Variants in ARFGAP2 observed in about 807,000 individuals in gnomAD.
ARFGAP2 encodes ADP-ribosylation factor GTPase-activating protein 2.
ARFGAP2 carries 45 observed loss-of-function variants against 71.9 expected under a neutral mutation model. The observed-to-expected ratio is 0.63, with a 90% CI of 0.49 to 0.80. The LOEUF is 0.80. Ranked by LOEUF, ARFGAP2 falls within the 30% of genes least tolerant of loss-of-function variation. ARFGAP2 has a pLI of 0.00. For synonymous variants in ARFGAP2, 248 were observed against 249.2 expected, an observed-to-expected ratio of 1.00 and a Z score of 0.05; for missense variants, 633 against 673.9, an observed-to-expected ratio of 0.94 and a Z score of 0.67.
At position 47,171,514 on chromosome 11, in the gene ARFGAP2, G is replaced by A. The variant is rs771332378; in HGVS notation, c.853C>T (p.Arg285Cys). Residue 285 changes from arginine (R) to cysteine (C), a missense_variant, in exon 10 of 16, where the codon CGT becomes TGT. Coordinates refer to ENST00000524782, the MANE Select transcript of ARFGAP2 (RefSeq NM_032389.6). ...TGTAGCTTCTTTTCCTCTTTCTTAC[G>A]ATCAATCTGGAGCTCCTGGTAGGCC... is the stretch of plus-strand genomic sequence containing the variant. ...RLAYQELQID[R>C]KKEEKKLQNL... 2.5e-5 allele frequency: 40 copies of A among 1,613,888 alleles called. No homozygotes were observed. The East Asian group carries it at 3.3e-4, about 13-fold the overall frequency.
At position 47,170,519 on chromosome 11, in the gene ARFGAP2, C is replaced by T. The variant is rs142861048; in HGVS notation, c.941+907G>A. ...AAAATTAGCCAGACACGGTGGTACA[C>T]ACCTGTAATCCCAGCTGCTTGGGAG... On this transcript the variant is annotated intron_variant, in intron 10 of 15. Transcript: ENST00000524782. 3.7e-3 allele frequency among the ~76,000 whole-genome samples: 560 copies of T among 151,770 alleles called. 2 individuals carry two copies. Among genetic ancestry groups the T allele is most frequent in the African/African-American group, 0.013 (547 of 41,366 alleles).
chr11:47,170,921 A>C (rs1278875517), intron 10 of ARFGAP2, among the ~76,000 whole-genome samples: 1 of 152,148 alleles, frequency 6.6e-6, no homozygotes, highest in Non-Finnish European at 1.5e-5. Flanking sequence ...ACTCCAGCCT[A>C]GGCAACAGAG....
chr11:47,172,552 C>T (rs1347716190), intron 7 of ARFGAP2, among the ~76,000 whole-genome samples: 1 of 152,162 alleles, frequency 6.6e-6, no homozygotes, highest in Admixed American at 6.5e-5. Context: ...GGAACCTAGA[C>T]CTGAAGCACC....
At chr11:47,171,266 T>C (rs926542798) in intron 10 of ARFGAP2, among the ~76,000 whole-genome samples, 160 bp downstream of exon 10, 1 of 152,218 alleles carries the variant, frequency 6.6e-6, no homozygotes, top group Non-Finnish European at 1.5e-5. Flanking sequence ...ATACCTACTA[T>C]GCGCCAAGCA....
rs1952857537 is a variant in ARFGAP2 at position 47,176,843 on chromosome 11, T to C, written c.11A>G (p.Glu4Gly). The part of the protein sequence containing the change: MAA[E>G]PNKTEIQTLF... ...AGTCTGGATTTCGGTCTTGTTCGGC[T>C]CCGCCGCCATTTTCTCTCCTTCCCA... The change falls in exon 1 of 16, where the codon GAG (glutamate) becomes GGG (glycine). Residue 4 changes from glutamate (E) to glycine (G), a missense_variant. Glu to Gly is a moderately conservative substitution (Grantham distance 98, BLOSUM62 -2). Transcript: ENST00000524782. 2 of 1,613,428 alleles carry C rather than the reference T, an allele frequency of 1.2e-6. No individual in the cohort carries two copies. The highest frequency in any genetic ancestry group is 1.3e-5 in the African/African-American group (1 of 74,932).
rs947929768 is a variant in ARFGAP2, at chr11:47,165,356, A to C, written c.*126T>G. ...GAGTGAGCGCCTCAAAGGCCACCCC[A>C]CACACACACCACACATACGAAGTAA... On this transcript the variant is annotated 3_prime_UTR_variant, in exon 16 of 16. Coordinates refer to ENST00000524782, the MANE Select transcript of ARFGAP2 (RefSeq NM_032389.6). 139 of 1,268,470 alleles carry C rather than the reference A, an allele frequency of 1.1e-4. No individual in the cohort carries two copies. In the African/African-American group the frequency reaches 1.3e-3, roughly 12 times the overall value. The allele number at this position is 1,268,470 out of a possible 1,614,324, so 78.6% of individuals were successfully genotyped here.
At position 47,176,373 on chromosome 11, in the gene ARFGAP2, TG is replaced by T; in HGVS notation, c.191+142del. ...AAGGGCCCACACAGGTGGTTCCCTCTGGCAGGAGGCTACCGGACCCTCTCGG... is the reference window on the plus strand; with the variant it reads ...AAGGGCCCACACAGGTGGTTCCCTCTGCAGGAGGCTACCGGACCCTCTCGG... On this transcript the variant is annotated intron_variant, in intron 2 of 15. Coordinates refer to ENST00000524782, the MANE Select transcript of ARFGAP2 (RefSeq NM_032389.6). 17 of 800,902 alleles carry T rather than the reference TG, an allele frequency of 2.1e-5. No homozygotes were observed. The South Asian group carries it at 2.8e-4, about 13-fold the overall frequency. 49.6% of individuals were successfully genotyped at this position (800,902 alleles called of 1,614,324 possible). A position where few individuals can be genotyped will look rare whatever the true frequency, so the allele number is the denominator to read the frequency against.
Position 47,165,132 on chromosome 11 carries a change from C to A in ARFGAP2, c.*350G>T. ...AAAAGCCTTCTACCTTCCGCTTTCC[C>A]TACCTGGGGAAAGTCTGGACCCAGA... is the stretch of plus-strand genomic sequence containing the variant. On this transcript the variant is annotated 3_prime_UTR_variant, in exon 16 of 16. Coordinates refer to ENST00000524782, the MANE Select transcript of ARFGAP2 (RefSeq NM_032389.6). The A allele has an allele frequency of 3.2e-6, 1 of 310,954 alleles. No individual in the cohort carries two copies. Among genetic ancestry groups the A allele is most frequent in the Non-Finnish European group, 5.9e-6 (1 of 169,668 alleles). 19.3% of individuals were successfully genotyped at this position (310,954 alleles called of 1,614,324 possible).
rs1441247092 is a variant in ARFGAP2, at chr11:47,173,624, G to T, written c.562+135C>A. ...AGGAATATCTACCACTTCCTCCAAG[G>T]ATTAAAATGAATCCCGGCCCACCCA... On this transcript the variant is annotated intron_variant, in intron 6 of 15. Transcript: ENST00000524782. The T allele has an allele frequency of 3.5e-6, 5 of 1,409,790 alleles. No homozygotes were observed. In the South Asian group the frequency reaches 7.0e-5, roughly 20 times the overall value. 87.3% of individuals were successfully genotyped at this position (1,409,790 alleles called of 1,614,324 possible).
chr11:47,165,362 A>G lies in ARFGAP2; in HGVS notation c.*120T>C, dbSNP rs1952305666. On this transcript the variant is annotated 3_prime_UTR_variant, in exon 16 of 16. Coordinates refer to ENST00000524782, the MANE Select transcript of ARFGAP2 (RefSeq NM_032389.6). ...GCGCCTCAAAGGCCACCCCACACACACACCACACATACGAAGTAACAAATC... is the reference window on the plus strand; with the variant it reads ...GCGCCTCAAAGGCCACCCCACACACGCACCACACATACGAAGTAACAAATC... 3.7e-6 allele frequency: 5 copies of G among 1,351,054 alleles called. No individual in the cohort carries two copies. In the South Asian group the frequency reaches 7.4e-5, roughly 20 times the overall value. The allele number at this position is 1,351,054 out of a possible 1,614,324, so 83.7% of individuals were successfully genotyped here. A position where few individuals can be genotyped will look rare whatever the true frequency, so the allele number is the denominator to read the frequency against.
chr11:47,174,801 T>C, intron 5 of ARFGAP2: 2 of 582,514 alleles, frequency 3.4e-6, no homozygotes, highest in Non-Finnish European at 6.1e-6. Context: ...GCCCAATTTA[T>C]AGGAGTCGAT....
rs1240911194 is a variant in ARFGAP2 at position 47,175,112 on chromosome 11, G to C, written c.397-14C>G. The C allele has an allele frequency of 1.2e-6, 2 of 1,614,166 alleles. No homozygotes were observed. Among genetic ancestry groups the C allele is most frequent in the Non-Finnish European group, 1.7e-6 (2 of 1,180,036 alleles). ...GTCTATCCAAAGCTAGAAAGGAGAA[G>C]ACACCCCTAAAACACAGGGCTCTGA... On this transcript the variant is annotated splice_polypyrimidine_tract_variant and intron_variant, in intron 4 of 15. Coordinates refer to ENST00000524782, the MANE Select transcript of ARFGAP2 (RefSeq NM_032389.6).
chr11:47,173,888 G>A, intron 5 of ARFGAP2, 48 bp from the exon 6 acceptor site: 1 of 1,558,548 alleles, frequency 6.4e-7, no homozygotes. Context: ...CACTCCTGCT[G>A]GCAAGAAGCA....
chr11:47,176,020 A>T (rs1411404494), intron 2 of ARFGAP2, 97 bp from the exon 3 acceptor site: 1 of 1,216,560 alleles, frequency 8.2e-7, no homozygotes, highest in East Asian at 2.5e-5. Context: ...TGCTGTAGGC[A>T]CCCAGGAAAC....
intron 1 of ARFGAP2, 47 bp from the exon 2 acceptor site, chr11:47,176,681 G>GGCCAGGCACCGACACCCCA (rs1263875017): frequency 6.2e-7 from 1 of 1,612,060 alleles, no homozygotes; most frequent in Admixed American, 1.7e-5. Flanking sequence ...CCCGAGTAAA[G>GGCCAGGCACCGACACCCCA]GCCAGGCACC....
At chr11:47,165,629 C>A in intron 15 of ARFGAP2, 127 bp from the exon 16 acceptor site, 1 of 1,072,146 alleles carries the variant, frequency 9.3e-7, no homozygotes, top group Non-Finnish European at 1.3e-6. Flanking sequence ...CTGGACAGCC[C>A]GGTGAGGCAG....
chr11:47,171,182 T>C (rs936445683), intron 10 of ARFGAP2, among the ~76,000 whole-genome samples: 3 of 152,216 alleles, frequency 2.0e-5, no homozygotes, highest in Non-Finnish European at 4.4e-5. Flanking sequence ...CCCTAGTCTC[T>C]TGAAGATACT....
chr11:47,176,857 C>T lies in ARFGAP2; in HGVS notation c.-4G>A. The stretch of plus-strand genomic sequence containing the variant: ...TCTTGTTCGGCTCCGCCGCCATTTT[C>T]TCTCCTTCCCAGACACAACCGCGGC... On this transcript the variant is annotated 5_prime_UTR_variant, in exon 1 of 16. Transcript: ENST00000524782. 1.2e-6 allele frequency: 2 copies of T among 1,613,214 alleles called. No individual in the cohort carries two copies. Among genetic ancestry groups the T allele is most frequent in the Non-Finnish European group, 1.7e-6 (2 of 1,179,776 alleles).
chr11:47,172,996 G>C (rs1952661361), intron 7 of ARFGAP2: 1 of 354,170 alleles, frequency 2.8e-6, no homozygotes, highest in Non-Finnish European at 5.5e-6. Context: ...GGAAAATGTA[G>C]GAAAGAGTTA....
Sources: gnomAD v4.1 joint callset for allele counts (sites outside exome capture counted in the v4.1 genomes callset) on GRCh38, gnomAD v4.1.1 for gene constraint, MANE v1.5 for transcripts, NCBI Gene and HGNC (gene_info 2026-07-23, HGNC 2026-07-21) for gene names.